WAC: variants seen among roughly 807,000 people sequenced by gnomAD.
WAC encodes the protein WW domain containing adaptor with coiled-coil.
In WAC, 11 loss-of-function variants were observed where a neutral mutation model predicts 79.6. That is an observed-to-expected ratio of 0.14 (90% CI 0.09 to 0.23). WAC has a LOEUF of 0.23. Ranked by LOEUF, WAC falls within the 10% of genes least tolerant of loss-of-function variation. The pLI, the probability that WAC is intolerant of heterozygous loss-of-function variation, is 1.00. For missense variants in WAC, 728 were observed against 773.5 expected, an observed-to-expected ratio of 0.94 and a Z score of 0.70; for synonymous variants, 304 against 276.9, an observed-to-expected ratio of 1.10 and a Z score of -0.97.
chr10:28,542,439 T>G (rs576639571), intron 3 of WAC, among the ~76,000 whole-genome samples: 2 of 152,316 alleles, frequency 1.3e-5, no homozygotes, highest in South Asian at 2.1e-4. Flanking sequence ...CCAAAAACAT[T>G]GTCAGTGACA....
intron 4 of WAC, among the ~76,000 whole-genome samples, chr10:28,585,880 A>G (rs1286640943): frequency 6.6e-6 from 1 of 152,220 alleles, no homozygotes; most frequent in African/African-American, 2.4e-5. Context: ...GGTTTAACCC[A>G]GTGAAGTCAG....
chr10:28,541,099 A>G (rs906083248), intron 3 of WAC, among the ~76,000 whole-genome samples: 6 of 152,126 alleles, frequency 3.9e-5, no homozygotes, highest in Admixed American at 3.3e-4. Flanking sequence ...AGATCCTTAG[A>G]TCCTTAAGAC....
At chr10:28,540,578 T>A (rs561441038) in intron 3 of WAC, among the ~76,000 whole-genome samples, 1 of 152,334 alleles carries the variant, frequency 6.6e-6, no homozygotes, top group East Asian at 1.9e-4. Flanking sequence ...AAAAGTCCAT[T>A]TTCTCTTAAT....
intron 4 of WAC, among the ~76,000 whole-genome samples, chr10:28,587,641 A>G (rs1437505209): frequency 2.6e-5 from 4 of 152,196 alleles, no homozygotes; most frequent in African/African-American, 7.2e-5. Context: ...GACACCTGCT[A>G]TTGCACATCG....
Position 28,611,768 on chromosome 10 carries a change from T to G in WAC, c.1289-6T>G, listed in dbSNP as rs1162971893. 1 of 1,606,624 alleles carries G rather than the reference T, an allele frequency of 6.2e-7. No homozygotes were observed. The highest frequency in any genetic ancestry group is 1.3e-5 in the African/African-American group (1 of 74,472). ...CTTTAAAATTAATTGCTTCCCTCTT[T>G]TACAGCCCAGCCATCTAATCAGTCT... On this transcript the variant is annotated splice_polypyrimidine_tract_variant and splice_region_variant and intron_variant, in intron 9 of 13. Coordinates refer to ENST00000354911, the MANE Select transcript of WAC (RefSeq NM_016628.5).
At chr10:28,555,719 G>C (rs538314850) in intron 3 of WAC, among the ~76,000 whole-genome samples, 3 of 152,212 alleles carry the variant, frequency 2.0e-5, no homozygotes, top group Admixed American at 2.0e-4. Flanking sequence ...TGGAGGTTGG[G>C]CCTTTGGCAA....
At chr10:28,560,588 G>A (rs1348249407) in intron 3 of WAC, among the ~76,000 whole-genome samples, 2 of 152,152 alleles carry the variant, frequency 1.3e-5, no homozygotes, top group African/African-American at 4.8e-5. Context: ...ACAGATTTGG[G>A]CTGAGGTTAT....
intron 3 of WAC, among the ~76,000 whole-genome samples, chr10:28,561,804 T>G (rs1368387665): frequency 6.6e-6 from 1 of 152,114 alleles, no homozygotes; most frequent in African/African-American, 2.4e-5. Flanking sequence ...CATAGGAGCA[T>G]GAGAACCCTA....
At chr10:28,536,841 G>C (rs1836706158) in intron 3 of WAC, among the ~76,000 whole-genome samples, 2 of 152,164 alleles carry the variant, frequency 1.3e-5, no homozygotes, top group East Asian at 3.9e-4. Flanking sequence ...CCTACATGTT[G>C]CTTAAGTAGA....
intron 3 of WAC, among the ~76,000 whole-genome samples, chr10:28,569,796 T>C (rs1345159104): frequency 2.6e-5 from 4 of 152,250 alleles, no homozygotes; most frequent in African/African-American, 9.6e-5. Flanking sequence ...TCTGTTTTTA[T>C]CTTTAGTACA....
chr10:28,605,299 A>G (rs192923986), intron 7 of WAC, among the ~76,000 whole-genome samples: 1 of 152,246 alleles, frequency 6.6e-6, no homozygotes, highest in Admixed American at 6.5e-5. Context: ...TAGTGCCAGA[A>G]TCACACATAG....
At chr10:28,569,749 G>A (rs1318248495) in intron 3 of WAC, among the ~76,000 whole-genome samples, 1 of 152,132 alleles carries the variant, frequency 6.6e-6, no homozygotes, top group African/African-American at 2.4e-5. Context: ...TCATACATAT[G>A]GTTTGTTGGG....
intron 4 of WAC, among the ~76,000 whole-genome samples, chr10:28,586,338 T>C (rs560588819): frequency 3.3e-5 from 5 of 152,238 alleles, no homozygotes; most frequent in Admixed American, 6.5e-5. Flanking sequence ...GCCTGGCTTA[T>C]GGTAAAGATT....
intron 3 of WAC, among the ~76,000 whole-genome samples, chr10:28,568,033 C>T (rs547549869): frequency 2.4e-3 from 358 of 152,300 alleles, no homozygotes; most frequent in African/African-American, 8.1e-3. Flanking sequence ...CCACCTCGCC[C>T]GGCCTCAGTA....
At chr10:28,561,081 T>G (rs1425925319) in intron 3 of WAC, among the ~76,000 whole-genome samples, 1 of 152,224 alleles carries the variant, frequency 6.6e-6, no homozygotes, top group Non-Finnish European at 1.5e-5. Context: ...TGTGTCTAGG[T>G]CTGCCAGTAG....
At chr10:28,546,564 AT>A (rs931003176) in intron 3 of WAC, among the ~76,000 whole-genome samples, 12 of 151,802 alleles carry the variant, frequency 7.9e-5, no homozygotes, top group East Asian at 3.9e-4. Flanking sequence ...TGATACTTTG[AT>A]TTTTTTTTAA....
chr10:28,618,307 G>A (rs1841562671), intron 13 of WAC, among the ~76,000 whole-genome samples: 1 of 152,168 alleles, frequency 6.6e-6, no homozygotes, highest in Admixed American at 6.5e-5. Flanking sequence ...GCCTATTACA[G>A]AATTGAGGAC....
At chr10:28,554,226 C>G (rs556549637) in intron 3 of WAC, among the ~76,000 whole-genome samples, 23 of 152,242 alleles carry the variant, frequency 1.5e-4, no homozygotes, top group Non-Finnish European at 2.9e-4. Flanking sequence ...TACTACACTA[C>G]TTCATATAAG....
At chr10:28,583,062 A>G (rs1370209997) in intron 3 of WAC, among the ~76,000 whole-genome samples, 1 of 152,142 alleles carries the variant, frequency 6.6e-6, no homozygotes, top group Non-Finnish European at 1.5e-5. Flanking sequence ...TTCTGTGCAC[A>G]TTGTACTTCT....
Sources: allele counts gnomAD v4.1 joint callset (sites outside exome capture counted in the v4.1 genomes callset), GRCh38; gene constraint gnomAD v4.1.1; transcripts MANE v1.5; gene names NCBI Gene and HGNC (gene_info 2026-07-23, HGNC 2026-07-21).